CELSR1: variants seen among roughly 807,000 people sequenced by gnomAD.
CELSR1 encodes the protein adhesion G protein-coupled receptor C1.
Under a neutral mutation model 249.1 loss-of-function variants are expected in CELSR1, and 110 were observed. That is an observed-to-expected ratio of 0.44 (90% CI 0.38 to 0.52). The LOEUF (loss-of-function observed/expected upper bound fraction) is 0.52. Among genes scored for constraint, CELSR1 ranks in the 20% least tolerant of loss-of-function variants. CELSR1 has a pLI of 0.00. For missense variants in CELSR1, 4,109 were observed against 4,296.4 expected, an observed-to-expected ratio of 0.96 and a Z score of 1.22; for synonymous variants, 2,113 against 1,900.0, an observed-to-expected ratio of 1.11 and a Z score of -2.92.
rs1007885066 is a variant in CELSR1 at position 46,393,525 on chromosome 22, G to C, written c.5964+617C>G. On this transcript the variant is annotated intron_variant, in intron 14 of 34. Transcript: ENST00000674500. This position sits in a 1 kb window ranked among gnomAD's most constrained non-coding sequence, Gnocchi z 4.1. ...GGCTGAGGCGGGCGGATCACCTGAG[G>C]TCAGGAGTTCAAGACCAGCCTGGCC... 6.6e-6 allele frequency among the ~76,000 whole-genome samples: 1 copy of C among 152,156 alleles called. No homozygotes were observed. Among genetic ancestry groups the C allele is most frequent in the African/African-American group, 2.4e-5 (1 of 41,428 alleles).
intron 1 of CELSR1, among the ~76,000 whole-genome samples, chr22:46,491,571 G>C (rs576713643): frequency 1.3e-5 from 2 of 150,194 alleles, no homozygotes; most frequent in African/African-American, 4.9e-5. Flanking sequence ...CCGTGAGAAA[G>C]TAACTTTTTA....
chr22:46,535,055 C>A lies in CELSR1; in HGVS notation c.2116G>T (p.Val706Leu). Residue 706 changes from valine to leucine, a missense_variant, in exon 1 of 35, where the codon GTG becomes TTG. By Grantham distance (32) the Val-to-Leu change is conservative (BLOSUM62 1). This residue lies in a region of CELSR1 where 886 missense variants were observed against 896.5 expected (regional missense o/e 0.99). Coordinates refer to ENST00000674500, the MANE Select transcript of CELSR1 (RefSeq NM_001378328.1). ...LNEDAAVGSS[V>L]LTLQARDRDA... Reference sequence around the variant, plus strand: ...CGGTCGCGGGCCTGCAGGGTCAGCACGCTGCTCCCCACGGCCGCATCCTCA... The same window carrying A: ...CGGTCGCGGGCCTGCAGGGTCAGCAAGCTGCTCCCCACGGCCGCATCCTCA... 3.1e-6 allele frequency: 5 copies of A among 1,612,522 alleles called. No individual in the cohort carries two copies. The highest frequency in any genetic ancestry group is 4.2e-6 in the Non-Finnish European group (5 of 1,179,988).
At position 46,459,897 on chromosome 22, in the gene CELSR1, G is replaced by A. The variant is rs569091201; in HGVS notation, c.4183+3810C>T. 2.8e-4 allele frequency among the ~76,000 whole-genome samples: 43 copies of A among 152,078 alleles called. 1 individual carries two copies. The highest frequency in any genetic ancestry group is 4.4e-5 in the Non-Finnish European group (3 of 68,008). ...ATCTAGAGCAGTAACCAGCAGAGCAGAGCACCACTAAACATTAGCTACAAT... is the reference window on the plus strand; with the variant it reads ...ATCTAGAGCAGTAACCAGCAGAGCAAAGCACCACTAAACATTAGCTACAAT... On this transcript the variant is annotated intron_variant, in intron 2 of 34. Transcript: ENST00000674500.
Position 46,409,728 on chromosome 22 carries a change from G to A in CELSR1, c.5059+27C>T. The stretch of plus-strand genomic sequence containing the variant: ...AATGCCTCCCAGGCCGCCGTGACCG[G>A]GGGGATGGACGACGCCGGCCACTCA... On this transcript the variant is annotated intron_variant, in intron 8 of 34. Transcript: ENST00000674500. The surrounding 1 kb of genome is among the most constrained non-coding windows in gnomAD (Gnocchi z 9.8). 1.2e-6 allele frequency: 2 copies of A among 1,610,650 alleles called. No individual in the cohort carries two copies. Among genetic ancestry groups the A allele is most frequent in the Non-Finnish European group, 1.7e-6 (2 of 1,179,912 alleles).
rs2080651826 is a variant in CELSR1 at position 46,518,524 on chromosome 22, A to C, written c.3544+15103T>G. Among the ~76,000 whole-genome samples the C allele has an allele frequency of 6.6e-6, 1 of 152,228 alleles. No homozygotes were observed. The highest frequency in any genetic ancestry group is 6.5e-5 in the Admixed American group (1 of 15,284). On this transcript the variant is annotated intron_variant, in intron 1 of 34. Transcript: ENST00000674500. This position sits in a 1 kb window ranked among gnomAD's most constrained non-coding sequence, Gnocchi z 5.2. ...AAACCAGTCACACACACAAACATGA[A>C]GGCAGGCGTGGCAGTGGGTTCACTA...
intron 1 of CELSR1, among the ~76,000 whole-genome samples, chr22:46,504,984 C>T (rs948795422): frequency 1.2e-4 from 18 of 152,172 alleles, no homozygotes; most frequent in African/African-American, 3.4e-4. Context: ...AAGGAAAGGC[C>T]GGGTGCGGCG....
intron 27 of CELSR1, 87 bp from the exon 28 acceptor site, chr22:46,367,942 G>A: frequency 6.8e-7 from 1 of 1,479,456 alleles, no homozygotes; most frequent in Non-Finnish European, 9.1e-7. Flanking sequence ...CTGTCCACCT[G>A]CCTGCCCGTC....
At chr22:46,369,850 G>A (rs1343632386) in intron 25 of CELSR1, 46 bp from the exon 26 acceptor site, 3 of 1,546,708 alleles carry the variant, frequency 1.9e-6, no homozygotes, top group Non-Finnish European at 2.7e-6. Flanking sequence ...CACGTGCCCA[G>A]TGGCCACCCC....
At chr22:46,459,167 T>G (rs2079991748) in intron 2 of CELSR1, among the ~76,000 whole-genome samples, 1 of 152,136 alleles carries the variant, frequency 6.6e-6, no homozygotes, top group African/African-American at 2.4e-5. Context: ...GGATTACAGA[T>G]GTGAGCCACC....
chr22:46,536,515 G>A lies in CELSR1; in HGVS notation c.656C>T (p.Pro219Leu), dbSNP rs113410471. ...SASPSPSPPL[P>L]PNLPEARAGP... The stretch of plus-strand genomic sequence containing the variant: ...CGCCCGGGCTTCGGGCAAGTTCGGC[G>A]GCAGGGGCGGCGATGGGGATGGCGA... The change falls in exon 1 of 35, where the codon CCG becomes CTG. Residue 219 changes from proline to leucine, a missense_variant. Coordinates refer to ENST00000674500, the MANE Select transcript of CELSR1 (RefSeq NM_001378328.1). 103 of 1,495,814 alleles carry A rather than the reference G, an allele frequency of 6.9e-5. No individual in the cohort carries two copies. In the Admixed American group the frequency reaches 7.1e-4, roughly 10 times the overall value. 92.7% of individuals were successfully genotyped at this position (1,495,814 alleles called of 1,614,324 possible).
In CELSR1 at chr22:46,410,643, G is replaced by T; in HGVS notation, c.4770-82C>A. On this transcript the variant is annotated intron_variant, in intron 6 of 34. Coordinates refer to ENST00000674500, the MANE Select transcript of CELSR1 (RefSeq NM_001378328.1). This position sits in a 1 kb window ranked among gnomAD's most constrained non-coding sequence, Gnocchi z 6.8. ...GGCTGGGCTCCGCAGTTGCCTCTGTGTAGCCTCTACCACCATAACTACTTC... is the reference window on the plus strand; with the variant it reads ...GGCTGGGCTCCGCAGTTGCCTCTGTTTAGCCTCTACCACCATAACTACTTC... 3.5e-6 allele frequency: 5 copies of T among 1,436,550 alleles called. No individual in the cohort carries two copies. 89.0% of individuals were successfully genotyped at this position (1,436,550 alleles called of 1,614,324 possible). A position where few individuals can be genotyped will look rare whatever the true frequency, so the allele number is the denominator to read the frequency against.
chr22:46,521,035 G>A (rs192356581), intron 1 of CELSR1, among the ~76,000 whole-genome samples: 7 of 152,270 alleles, frequency 4.6e-5, no homozygotes, highest in East Asian at 1.9e-4. Flanking sequence ...GTTCACCCAC[G>A]TTGTAGTAAG....
chr22:46,515,320 C>G (rs2080615736), intron 1 of CELSR1, among the ~76,000 whole-genome samples: 1 of 152,228 alleles, frequency 6.6e-6, no homozygotes, highest in South Asian at 2.1e-4. Flanking sequence ...GAACCACAGC[C>G]CAGCGGTCTC....
Position 46,506,496 on chromosome 22 carries a change from C to T in CELSR1, c.3544+27131G>A, listed in dbSNP as rs532355345. Among the ~76,000 whole-genome samples, 1 of 152,352 alleles carries T rather than the reference C, an allele frequency of 6.6e-6. No homozygotes were observed. The highest frequency in any genetic ancestry group is 1.9e-4 in the East Asian group (1 of 5,184). On this transcript the variant is annotated intron_variant, in intron 1 of 34. Coordinates refer to ENST00000674500, the MANE Select transcript of CELSR1 (RefSeq NM_001378328.1). The surrounding 1 kb of genome is among the most constrained non-coding windows in gnomAD (Gnocchi z 4.1). Reference sequence around the variant, plus strand: ...AAGAGTCCAGCCCAACCGGCCCTGCCTCAGGTCTGCGTTCTGCCAGCCTCA... The same window carrying T: ...AAGAGTCCAGCCCAACCGGCCCTGCTTCAGGTCTGCGTTCTGCCAGCCTCA...
rs189978490 is a variant in CELSR1, at chr22:46,531,607, C to T, written c.3544+2020G>A. 5.3e-5 allele frequency among the ~76,000 whole-genome samples: 8 copies of T among 152,344 alleles called. No individual in the cohort carries two copies. In the East Asian group the frequency reaches 1.2e-3, roughly 22 times the overall value. ...AAGGAAGAGAGGGGAATGCGAAGAG[C>T]GGGCTGCTTTCTGCGGATCGTGGTT... On this transcript the variant is annotated intron_variant, in intron 1 of 34. Coordinates refer to ENST00000674500, the MANE Select transcript of CELSR1 (RefSeq NM_001378328.1).
rs4823806 is a variant in CELSR1, at chr22:46,369,680, C to T, written c.7872+12G>A. On this transcript the variant is annotated intron_variant, in intron 26 of 34. Transcript: ENST00000674500. Reference sequence around the variant, plus strand: ...TGGGGCACCCGGACTCCCGTGAAGGCCCCACACTCACGATTATAACAGCTC... The same window carrying T: ...TGGGGCACCCGGACTCCCGTGAAGGTCCCACACTCACGATTATAACAGCTC... 0.017 allele frequency: 26,713 copies of T among 1,609,518 alleles called. 265 individuals carry two copies. The highest frequency in any genetic ancestry group is 0.019 in the Non-Finnish European group (22,499 of 1,176,504).
intron 1 of CELSR1, among the ~76,000 whole-genome samples, chr22:46,524,549 T>TGA (rs143455492): frequency 8.2e-6 from 1 of 121,472 alleles, no homozygotes; most frequent in Admixed American, 9.1e-5. Flanking sequence ...TGCGTGTGTG[T>TGA]GTGTGTGTGT....
rs529416785 is a variant in CELSR1, at chr22:46,388,468, A to AC, written c.6555+821dup. ...CTGGGACTCAAATCCCAGCAAGGGGACCCTGCCTGGTCTCTGGCGGCCTTA... is the reference window on the plus strand; with the variant it reads ...CTGGGACTCAAATCCCAGCAAGGGGACCCCTGCCTGGTCTCTGGCGGCCTTA... On this transcript the variant is annotated intron_variant, in intron 18 of 34. Coordinates refer to ENST00000674500, the MANE Select transcript of CELSR1 (RefSeq NM_001378328.1). Among the ~76,000 whole-genome samples, 3 of 151,978 alleles carry AC rather than the reference A, an allele frequency of 2.0e-5. No individual in the cohort carries two copies. The South Asian group carries it at 6.2e-4, about 32-fold the overall frequency.
chr22:46,393,991 TAC>T lies in CELSR1; in HGVS notation c.5964+149_5964+150del. 1 of 1,061,152 alleles carries T rather than the reference TAC, an allele frequency of 9.4e-7. No homozygotes were observed. The highest frequency in any genetic ancestry group is 1.3e-6 in the Non-Finnish European group (1 of 750,674). 65.7% of individuals were successfully genotyped at this position (1,061,152 alleles called of 1,614,324 possible). Reference sequence around the variant, plus strand: ...GCAAGGAAACCAAAAACCACATCTGTACACAAATGTGATGTGAGTGGGCACAG... The same window carrying T: ...GCAAGGAAACCAAAAACCACATCTGTACAAATGTGATGTGAGTGGGCACAG... On this transcript the variant is annotated intron_variant, in intron 14 of 34. Coordinates refer to ENST00000674500, the MANE Select transcript of CELSR1 (RefSeq NM_001378328.1). This position sits in a 1 kb window ranked among gnomAD's most constrained non-coding sequence, Gnocchi z 4.1.
Sources: gnomAD v4.1 joint callset for allele counts (sites outside exome capture counted in the v4.1 genomes callset) on GRCh38, gnomAD v4.1.1 for gene constraint, gnomAD v4.1.1 regional missense constraint, Gnocchi (gnomAD v3.1) non-coding constraint, MANE v1.5 for transcripts, NCBI Gene and HGNC (gene_info 2026-07-23, HGNC 2026-07-21) for gene names.